The following ZNF385B variants were observed in gnomAD, a reference collection of about 807,000 sequenced individuals.
ZNF385B encodes zinc finger protein 385B, also known as zinc finger protein 533.
In ZNF385B, 23 loss-of-function variants were observed where a neutral mutation model predicts 39.2. The ratio of observed to expected loss-of-function variants is 0.59; its 90% CI spans 0.42 to 0.83. ZNF385B has a LOEUF of 0.83. Ranked by LOEUF, ZNF385B falls within the 40% of genes least tolerant of loss-of-function variation. The pLI is 0.00. For missense variants in ZNF385B, 552 were observed against 598.9 expected, an observed-to-expected ratio of 0.92 and a Z score of 0.82; for synonymous variants, 205 against 222.6, an observed-to-expected ratio of 0.92 and a Z score of 0.70.
intron 1 of ZNF385B, among the ~76,000 whole-genome samples, chr2:179,821,263 T>A (rs1707377203): frequency 6.6e-6 from 1 of 152,146 alleles, no homozygotes; most frequent in Non-Finnish European, 1.5e-5. Flanking sequence ...AATGGAGTCA[T>A]TTGGGGGCAG....
Position 179,562,063 on chromosome 2 carries a change from T to C in ZNF385B, c.299-17094A>G, listed in dbSNP as rs530749104. 9.9e-4 allele frequency among the ~76,000 whole-genome samples: 150 copies of C among 152,280 alleles called. 2 individuals are homozygous for C. The South Asian group carries it at 0.019, about 20-fold the overall frequency. ...GAGAGAGAGTTCTAACATAGTTGAA[T>C]TGAACATGAATCTCATTTTTACCTA... On this transcript the variant is annotated intron_variant, in intron 3 of 9. Transcript: ENST00000410066.
chr2:179,740,357 G>A (rs1487477906), intron 3 of ZNF385B, among the ~76,000 whole-genome samples: 1 of 152,158 alleles, frequency 6.6e-6, no homozygotes, highest in Non-Finnish European at 1.5e-5. Flanking sequence ...AGAGTCCCTG[G>A]AAGAAGTCAG....
intron 5 of ZNF385B, among the ~76,000 whole-genome samples, chr2:179,517,045 A>G (rs1460871739): frequency 6.6e-6 from 1 of 151,886 alleles, no homozygotes; most frequent in Non-Finnish European, 1.5e-5. Flanking sequence ...TTGAAAATCA[A>G]CTGACTATAT....
chr2:179,447,968 G>A (rs1574171014), intron 6 of ZNF385B, among the ~76,000 whole-genome samples: 1 of 120,858 alleles, frequency 8.3e-6, no homozygotes. Context: ...ATCAGCAGTT[G>A]ATTTCCATCC....
intron 3 of ZNF385B, among the ~76,000 whole-genome samples, chr2:179,560,708 C>T (rs1169577852): frequency 6.6e-6 from 1 of 152,122 alleles, no homozygotes; most frequent in Non-Finnish European, 1.5e-5. Flanking sequence ...CATTTGCGTA[C>T]CTGTCTGTGT....
chr2:179,810,393 A>T (rs1259477268), intron 1 of ZNF385B, among the ~76,000 whole-genome samples: 1 of 151,956 alleles, frequency 6.6e-6, no homozygotes, highest in East Asian at 1.9e-4. Context: ...TTTTACTAAC[A>T]ATCAAGAGAA....
At chr2:179,549,583 T>G (rs1182766347) in intron 3 of ZNF385B, among the ~76,000 whole-genome samples, 8 of 149,798 alleles carry the variant, frequency 5.3e-5, no homozygotes, top group Admixed American at 4.6e-4. Flanking sequence ...TCCACCAATG[T>G]TTTACACAGT....
chr2:179,709,857 G>T (rs769484016), intron 3 of ZNF385B, among the ~76,000 whole-genome samples: 2 of 152,224 alleles, frequency 1.3e-5, no homozygotes, highest in Middle Eastern at 3.4e-3. Flanking sequence ...GTGTACACCT[G>T]CACAGAGCTA....
intron 4 of ZNF385B, among the ~76,000 whole-genome samples, chr2:179,519,669 A>T (rs2058344262): frequency 6.6e-6 from 1 of 152,208 alleles, no homozygotes; most frequent in Non-Finnish European, 1.5e-5. Context: ...CAACATTTAC[A>T]TCAGACAACT....
chr2:179,802,118 A>G (rs1706070886), intron 1 of ZNF385B, among the ~76,000 whole-genome samples: 1 of 152,142 alleles, frequency 6.6e-6, no homozygotes, highest in South Asian at 2.1e-4. Context: ...CAGCTTAAGC[A>G]TATTTCTTAT....
chr2:179,798,333 C>G (rs1018647309), intron 1 of ZNF385B, among the ~76,000 whole-genome samples: 1 of 152,060 alleles, frequency 6.6e-6, no homozygotes, highest in African/African-American at 2.4e-5. Flanking sequence ...TGGGACACGC[C>G]TTTTAAATAC....
chr2:179,504,503 A>G (rs1455003954), intron 5 of ZNF385B, among the ~76,000 whole-genome samples: 1 of 152,048 alleles, frequency 6.6e-6, no homozygotes, highest in African/African-American at 2.4e-5. Context: ...ACAGTGTAAA[A>G]GTGTTCCTAT....
At chr2:179,494,282 G>A (rs942481860) in intron 5 of ZNF385B, among the ~76,000 whole-genome samples, 2 of 152,104 alleles carry the variant, frequency 1.3e-5, no homozygotes, top group Non-Finnish European at 2.9e-5. Flanking sequence ...AATCACAGGG[G>A]TGTTTTAAGT....
intron 3 of ZNF385B, among the ~76,000 whole-genome samples, chr2:179,563,195 T>C (rs1413494007): frequency 1.3e-5 from 2 of 152,196 alleles, no homozygotes; most frequent in African/African-American, 4.8e-5. Flanking sequence ...ACTAAACTGA[T>C]TTATTATTGC....
At chr2:179,520,633 C>G (rs2058419252) in intron 4 of ZNF385B, among the ~76,000 whole-genome samples, 1 of 152,074 alleles carries the variant, frequency 6.6e-6, no homozygotes. Context: ...ATAAAACAGG[C>G]TAACTTATCT....
chr2:179,477,034 G>T (rs1186326004), intron 6 of ZNF385B, among the ~76,000 whole-genome samples: 1 of 152,154 alleles, frequency 6.6e-6, no homozygotes, highest in Non-Finnish European at 1.5e-5. Flanking sequence ...AACATCACAA[G>T]GTCCTGTTAC....
chr2:179,507,905 T>C (rs955267852), intron 5 of ZNF385B, among the ~76,000 whole-genome samples: 1 of 152,134 alleles, frequency 6.6e-6, no homozygotes, highest in African/African-American at 2.4e-5. Flanking sequence ...AGTCAGACTT[T>C]CCCAAAAAAC....
intron 3 of ZNF385B, among the ~76,000 whole-genome samples, chr2:179,603,376 G>T (rs1688556230): frequency 6.6e-6 from 1 of 152,214 alleles, no homozygotes; most frequent in Non-Finnish European, 1.5e-5. Flanking sequence ...AGGCAGCCCA[G>T]ATTAGTTTGG....
intron 1 of ZNF385B, among the ~76,000 whole-genome samples, chr2:179,807,379 C>G (rs1349620761): frequency 1.3e-5 from 2 of 149,254 alleles, no homozygotes; most frequent in Non-Finnish European, 3.0e-5. Context: ...GGGCAGATCA[C>G]CTGAGGTCAA....
Sources: allele counts gnomAD v4.1 joint callset (sites outside exome capture counted in the v4.1 genomes callset), GRCh38; gene constraint gnomAD v4.1.1; transcripts MANE v1.5; gene names NCBI Gene and HGNC (gene_info 2026-07-23, HGNC 2026-07-21).